OSBP2: variants seen among roughly 807,000 people sequenced by gnomAD.
OSBP2 encodes oxysterol-binding protein 2.
In OSBP2, 66 loss-of-function variants were observed where a neutral mutation model predicts 96.0. That is an observed-to-expected ratio of 0.69 (90% CI 0.56 to 0.84). The LOEUF (loss-of-function observed/expected upper bound fraction) is 0.84, where lower values mean the gene tolerates loss of function less well. Ranked by LOEUF, OSBP2 falls within the 40% of genes least tolerant of loss-of-function variation. The pLI is 0.00. For missense variants in OSBP2, 1,038 were observed against 1,222.7 expected (o/e 0.85, Z 2.25); for synonymous variants, 525 against 520.9 (o/e 1.01, Z -0.11).
chr22:30,701,091 G>A (rs1255651658), intron 1 of OSBP2, among the ~76,000 whole-genome samples: 9 of 146,932 alleles, frequency 6.1e-5, no homozygotes, highest in African/African-American at 1.5e-4. Flanking sequence ...GTGCAACTAC[G>A]TCTCAAAAAA....
intron 2 of OSBP2, among the ~76,000 whole-genome samples, chr22:30,869,201 G>A (rs2039409081): frequency 6.6e-6 from 1 of 152,222 alleles, no homozygotes; most frequent in Non-Finnish European, 1.5e-5. Context: ...GTGAGAGAGA[G>A]GTAAGAGGGG....
At chr22:30,834,714 G>A (rs549596651) in intron 2 of OSBP2, among the ~76,000 whole-genome samples, 10 of 151,484 alleles carry the variant, frequency 6.6e-5, no homozygotes, top group East Asian at 5.8e-4. Context: ...TTTTATTCTC[G>A]TATGAGTTAT....
intron 1 of OSBP2, among the ~76,000 whole-genome samples, chr22:30,737,947 C>T (rs2089880604): frequency 6.6e-6 from 1 of 151,740 alleles, no homozygotes; most frequent in Admixed American, 6.6e-5. Flanking sequence ...CTCCTGACCT[C>T]GTGATCCACC....
intron 2 of OSBP2, among the ~76,000 whole-genome samples, chr22:30,851,919 A>G (rs943801462): frequency 6.6e-6 from 1 of 152,174 alleles, no homozygotes; most frequent in African/African-American, 2.4e-5. Flanking sequence ...AAATAATTCT[A>G]CAGCCAGAAA....
At chr22:30,822,535 C>G in intron 2 of OSBP2, 1 of 1,381,090 alleles carries the variant, frequency 7.2e-7, no homozygotes, top group Non-Finnish European at 9.3e-7. Flanking sequence ...CCGCCTCCGC[C>G]GGGCGGCCCA....
At position 30,710,964 on chromosome 22, in the gene OSBP2, G is replaced by C. The variant is rs563689907; in HGVS notation, c.644+15411G>C. On this transcript the variant is annotated intron_variant, in intron 1 of 13. Transcript: ENST00000332585. ...TCACCATGTTGGCCAGGCTGGTCTC[G>C]AACTCCTTGACCTCAGGCGATCCGC... 5.3e-5 allele frequency among the ~76,000 whole-genome samples: 8 copies of C among 150,506 alleles called. No individual in the cohort carries two copies. The East Asian group carries it at 1.6e-3, about 29-fold the overall frequency.
At chr22:30,725,362 G>A (rs1336160217) in intron 1 of OSBP2, among the ~76,000 whole-genome samples, 1 of 151,588 alleles carries the variant, frequency 6.6e-6, no homozygotes, top group Non-Finnish European at 1.5e-5. Flanking sequence ...ACAAGAATTA[G>A]CCAGGCATGG....
chr22:30,847,298 C>G (rs1555919919), intron 2 of OSBP2, among the ~76,000 whole-genome samples: 1 of 151,068 alleles, frequency 6.6e-6, no homozygotes, highest in Non-Finnish European at 1.5e-5. Context: ...TTTCTTTTTC[C>G]CTGAGAGGGA....
At chr22:30,902,542 G>C in intron 12 of OSBP2, 1 of 1,316,152 alleles carries the variant, frequency 7.6e-7, no homozygotes, top group Non-Finnish European at 1.1e-6. Context: ...AGGGGAGGTA[G>C]TCACCCAGGT....
At chr22:30,726,064 GC>G (rs542504551) in intron 1 of OSBP2, among the ~76,000 whole-genome samples, 6 of 152,216 alleles carry the variant, frequency 3.9e-5, no homozygotes, top group Admixed American at 2.6e-4. Context: ...ACAGGCATGA[GC>G]CCCCCGGCCA....
At chr22:30,885,433 C>A (rs529698856) in intron 3 of OSBP2, among the ~76,000 whole-genome samples, 1 of 152,206 alleles carries the variant, frequency 6.6e-6, no homozygotes, top group African/African-American at 2.4e-5. Context: ...ATGACCAACC[C>A]CTGCTTCAAA....
At chr22:30,802,995 A>C (rs2090874960) in intron 2 of OSBP2, 1 of 156,722 alleles carries the variant, frequency 6.4e-6, no homozygotes, top group African/African-American at 2.4e-5. Context: ...GGCAGCACAC[A>C]CCCAATCCCG....
chr22:30,766,598 A>C (rs2090273424), intron 2 of OSBP2, among the ~76,000 whole-genome samples: 1 of 151,760 alleles, frequency 6.6e-6, no homozygotes, highest in Admixed American at 6.6e-5. Flanking sequence ...CCTCACCTAA[A>C]CCCTCCAAAA....
At chr22:30,803,332 T>A (rs2090880577) in intron 2 of OSBP2, among the ~76,000 whole-genome samples, 1 of 152,230 alleles carries the variant, frequency 6.6e-6, no homozygotes, top group Admixed American at 6.5e-5. Flanking sequence ...GCCTCAGCAC[T>A]TTCCCAGTCC....
chr22:30,888,453 C>T lies in OSBP2; in HGVS notation c.1418+113C>T, dbSNP rs2039865839. On this transcript the variant is annotated intron_variant, in intron 5 of 13. Transcript: ENST00000332585. ...GGGGTTTTCTTTCCTTTAAATCTTG[C>T]TTTGGCCAGGCCCAGTGGCTCCCAG... 5 of 745,096 alleles carry T rather than the reference C, an allele frequency of 6.7e-6. No homozygotes were observed. The Middle Eastern group carries it at 1.3e-3, about 198-fold the overall frequency. The allele number at this position is 745,096 out of a possible 1,614,324, so 46.2% of individuals were successfully genotyped here. A position where few individuals can be genotyped will look rare whatever the true frequency, so the allele number is the denominator to read the frequency against.
chr22:30,804,890 AACT>A (rs2090905972), intron 2 of OSBP2, among the ~76,000 whole-genome samples: 1 of 152,236 alleles, frequency 6.6e-6, no homozygotes, highest in South Asian at 2.1e-4. Flanking sequence ...ATGGCAGGGC[AACT>A]AAGCAGTAGG....
At chr22:30,727,097 T>C (rs2089664095) in intron 1 of OSBP2, among the ~76,000 whole-genome samples, 4 of 152,210 alleles carry the variant, frequency 2.6e-5, no homozygotes, top group Admixed American at 2.0e-4. Flanking sequence ...AGCCTATGCA[T>C]GTGGAACAGG....
In OSBP2 at chr22:30,890,684, C is replaced by T; in HGVS notation, c.1624-44C>T. 6.2e-7 allele frequency: 1 copy of T among 1,600,542 alleles called. No individual in the cohort carries two copies. The highest frequency in any genetic ancestry group is 8.5e-7 in the Non-Finnish European group (1 of 1,175,290). On this transcript the variant is annotated intron_variant, in intron 7 of 13. Transcript: ENST00000332585. This position sits in a 1 kb window ranked among gnomAD's most constrained non-coding sequence, Gnocchi z 4.4. ...AGAAAAGCAAGGGCACCATGCCAAGCCGGGGCTGGTGCCCAGCCTGACCAC... is the reference window on the plus strand; with the variant it reads ...AGAAAAGCAAGGGCACCATGCCAAGTCGGGGCTGGTGCCCAGCCTGACCAC...
intron 2 of OSBP2, among the ~76,000 whole-genome samples, chr22:30,742,690 T>C (rs535121713): frequency 6.6e-6 from 1 of 152,348 alleles, no homozygotes; most frequent in East Asian, 1.9e-4. Context: ...TACAACAGTG[T>C]AGTATTTCAT....
Sources: allele counts gnomAD v4.1 joint callset (sites outside exome capture counted in the v4.1 genomes callset), GRCh38; gene constraint gnomAD v4.1.1; non-coding constraint Gnocchi (gnomAD v3.1); transcripts MANE v1.5; gene names NCBI Gene and HGNC (gene_info 2026-07-23, HGNC 2026-07-21).